LARP1: variants seen among roughly 807,000 people sequenced by gnomAD.
LARP1 encodes the protein la-related protein 1.
Under a neutral mutation model 122.7 loss-of-function variants are expected in LARP1, and 36 were observed. The observed-to-expected ratio is 0.29, with a 90% CI of 0.22 to 0.39. LARP1 has a LOEUF of 0.39. LARP1 is among the 10% of genes least tolerant of loss of function. The pLI, the probability that LARP1 is intolerant of heterozygous loss-of-function variation, is 1.00. For missense variants in LARP1, 1,040 were observed against 1,403.6 expected, an observed-to-expected ratio of 0.74 and a Z score of 4.14; for synonymous variants, 539 against 528.7, an observed-to-expected ratio of 1.02 and a Z score of -0.27.
At chr5:154,734,949 C>T (rs763564122) in intron 1 of LARP1, among the ~76,000 whole-genome samples, 3 of 152,116 alleles carry the variant, frequency 2.0e-5, no homozygotes, top group Non-Finnish European at 4.4e-5. Context: ...TGGCTTATTT[C>T]ATTTAGCATA....
intron 1 of LARP1, chr5:154,786,452 G>T (rs914113622): frequency 6.6e-5 from 30 of 456,094 alleles, no homozygotes; most frequent in African/African-American, 5.2e-4. Context: ...CTCTGGGACA[G>T]AAGGTGGTTT....
chr5:154,715,444 A>G (rs577596904), intron 1 of LARP1, among the ~76,000 whole-genome samples: 121 of 151,760 alleles, frequency 8.0e-4, no homozygotes, highest in African/African-American at 2.8e-3. Context: ...TTGTATTTTT[A>G]GTAGGTCAGG....
intron 1 of LARP1, among the ~76,000 whole-genome samples, chr5:154,772,886 C>T (rs928959665): frequency 2.6e-5 from 4 of 151,620 alleles, no homozygotes; most frequent in Admixed American, 6.6e-5. Flanking sequence ...GGGGTTTTTC[C>T]GTGTCGGTCA....
chr5:154,687,635 C>T (rs1462164524), intron 1 of LARP1, among the ~76,000 whole-genome samples: 3 of 152,202 alleles, frequency 2.0e-5, no homozygotes, highest in African/African-American at 7.2e-5. Flanking sequence ...CCTGCATCGG[C>T]CTCCCAAAGT....
chr5:154,747,530 AACCCC>A (rs1357275228), intron 1 of LARP1, among the ~76,000 whole-genome samples: 1 of 151,790 alleles, frequency 6.6e-6, no homozygotes, highest in Non-Finnish European at 1.5e-5. Context: ...AACATGGCTA[AACCCC>A]ATCTCTACTA....
upstream of LARP1, among the ~76,000 whole-genome samples, chr5:154,710,762 AAAT>A (rs1285424279): frequency 5.1e-4 from 77 of 151,332 alleles, no homozygotes; most frequent in Non-Finnish European, 1.0e-3. Flanking sequence ...AAAAAAAAAA[AAAT>A]CATACTGAAA....
At chr5:154,776,724 T>G (rs1755917257) in intron 1 of LARP1, among the ~76,000 whole-genome samples, 1 of 152,238 alleles carries the variant, frequency 6.6e-6, no homozygotes, top group South Asian at 2.1e-4. Flanking sequence ...CCAGCCCCTC[T>G]TCCCAGATGC....
intron 8 of LARP1, among the ~76,000 whole-genome samples, chr5:154,798,654 A>G (rs576992391): frequency 6.6e-6 from 1 of 152,228 alleles, no homozygotes; most frequent in South Asian, 2.1e-4. Context: ...GATGTATGCC[A>G]GCGCCACCTT....
upstream of LARP1, among the ~76,000 whole-genome samples, chr5:154,752,772 C>T (rs1263900968): frequency 6.6e-6 from 1 of 151,768 alleles, no homozygotes; most frequent in African/African-American, 2.4e-5. Flanking sequence ...AACCCCATCA[C>T]TACTAAAAAT....
At chr5:154,800,072 T>G (rs1758219557) in intron 10 of LARP1, 30 bp downstream of exon 10, 1 of 1,605,636 alleles carries the variant, frequency 6.2e-7, no homozygotes, top group African/African-American at 1.3e-5. Flanking sequence ...TTGCCTTGGT[T>G]CTAGCACTCT....
upstream of LARP1, among the ~76,000 whole-genome samples, chr5:154,754,441 G>C (rs947945065): frequency 9.9e-5 from 15 of 152,194 alleles, no homozygotes; most frequent in Non-Finnish European, 1.5e-5. Context: ...AGATGGTAAG[G>C]GGGCAGGGCC....
upstream of LARP1, among the ~76,000 whole-genome samples, chr5:154,751,135 A>T (rs1466871869): frequency 6.6e-6 from 1 of 152,094 alleles, no homozygotes; most frequent in African/African-American, 2.4e-5. Context: ...TATTTGAGGG[A>T]TTCTCCATAA....
At chr5:154,703,930 TTAAA>T (rs965265861) in intron 1 of LARP1, among the ~76,000 whole-genome samples, 2 of 152,124 alleles carry the variant, frequency 1.3e-5, no homozygotes, top group African/African-American at 2.4e-5. Flanking sequence ...CAAAATTTTT[TTAAA>T]TAAATAAATA....
chr5:154,803,578 C>T lies in LARP1; in HGVS notation c.2272C>T (p.Pro758Ser), dbSNP rs774765501. 3.8e-5 allele frequency: 61 copies of T among 1,614,012 alleles called. No individual in the cohort carries two copies. The highest frequency in any genetic ancestry group is 5.0e-5 in the Admixed American group (3 of 59,996). ...CCTGGCCAACAAGTTGTTTGGTGCTCCTGAGCCCTCCACCATCGCCCGCTC... is the reference window on the plus strand; with the variant it reads ...CCTGGCCAACAAGTTGTTTGGTGCTTCTGAGCCCTCCACCATCGCCCGCTC... Reference protein sequence around the residue: ...DALANKLFGAPEPSTIARSLP... With the variant: ...DALANKLFGASEPSTIARSLP... Residue 758 changes from proline to serine, a missense_variant, in exon 13 of 19, where the codon CCT (proline) becomes TCT (serine). This residue lies in a region of LARP1 where 362 missense variants were observed against 533.1 expected (regional missense o/e 0.68). Transcript: ENST00000518297. This position sits in a 1 kb window ranked among gnomAD's most constrained non-coding sequence, Gnocchi z 4.4.
chr5:154,784,175 A>G (rs1192113232), intron 1 of LARP1, among the ~76,000 whole-genome samples: 1 of 152,214 alleles, frequency 6.6e-6, no homozygotes, highest in Non-Finnish European at 1.5e-5. Context: ...TGAAGTCGCT[A>G]TTCATTAAAC....
chr5:154,791,981 GC>G (rs1168941545), intron 3 of LARP1: 1 of 455,902 alleles, frequency 2.2e-6, no homozygotes, highest in South Asian at 1.5e-5. Flanking sequence ...TTAATTACTA[GC>G]CCTTGATGGC....
chr5:154,804,863 A>G (rs1758635186), intron 14 of LARP1: 1 of 456,108 alleles, frequency 2.2e-6, no homozygotes, highest in Non-Finnish European at 4.4e-6. Context: ...CCCTGCAGAG[A>G]TGGCACAGAC....
At chr5:154,697,420 AG>A (rs1255027307) in intron 1 of LARP1, among the ~76,000 whole-genome samples, 1 of 152,140 alleles carries the variant, frequency 6.6e-6, no homozygotes, top group Non-Finnish European at 1.5e-5. Context: ...GCCCTTCAAA[AG>A]TGAAAGGAAG....
chr5:154,706,464 CA>C (rs1754955797), intron 1 of LARP1, among the ~76,000 whole-genome samples: 1 of 151,712 alleles, frequency 6.6e-6, no homozygotes, highest in Admixed American at 6.6e-5. Context: ...AACAGAAAAC[CA>C]AATAACCACA....
Sources: gnomAD v4.1 joint callset for allele counts (sites outside exome capture counted in the v4.1 genomes callset) on GRCh38, gnomAD v4.1.1 for gene constraint, gnomAD v4.1.1 regional missense constraint, Gnocchi (gnomAD v3.1) non-coding constraint, MANE v1.5 for transcripts, NCBI Gene and HGNC (gene_info 2026-07-23, HGNC 2026-07-21) for gene names.